Variants in ZRANB3 observed in about 807,000 individuals in gnomAD.
ZRANB3 encodes DNA annealing helicase and endonuclease ZRANB3.
Under a neutral mutation model 133.8 loss-of-function variants are expected in ZRANB3, and 125 were observed. That is an observed-to-expected ratio of 0.93 (90% CI 0.81 to 1.08). The LOEUF (loss-of-function observed/expected upper bound fraction) is 1.08. Among genes scored for constraint, ZRANB3 ranks in the 50% least tolerant of loss-of-function variants. ZRANB3 has a pLI of 0.00. For missense variants in ZRANB3, 1,229 were observed against 1,275.5 expected (o/e 0.96, Z 0.56); for synonymous variants, 387 against 432.7 (o/e 0.89, Z 1.31).
At chr2:135,353,329 ATAC>A (rs1685289286) in intron 4 of ZRANB3, 118 bp downstream of exon 4, 4 of 570,824 alleles carry the variant, frequency 7.0e-6, no homozygotes, top group Middle Eastern at 4.6e-4. Flanking sequence ...AAAATTCTCC[ATAC>A]TACTTACTCC....
rs778414733 is a variant in ZRANB3 at position 135,230,757 on chromosome 2, A to G, written c.1710T>C (p.Asp570=). ...AARDIIDYES[D]VEPETKRLKL... ...TCAATCTTTTCGTTTCAGGTTCAAC[A>G]TCACTTTCATAATCGATGATATCTC... The change falls in exon 13 of 21, where the codon GAT becomes GAC. Residue 570 remains aspartate (D), a synonymous_variant. Coordinates refer to ENST00000264159, the MANE Select transcript of ZRANB3 (RefSeq NM_032143.4). 1.2e-6 allele frequency: 2 copies of G among 1,613,816 alleles called. No homozygotes were observed. The highest frequency in any genetic ancestry group is 2.2e-5 in the South Asian group (2 of 91,022).
At chr2:135,431,035 G>C (rs1689296629) in intron 2 of ZRANB3, among the ~76,000 whole-genome samples, 1 of 151,980 alleles carries the variant, frequency 6.6e-6, no homozygotes, top group Admixed American at 6.5e-5. Context: ...AGCACTTTGG[G>C]AGGCTGAGGC....
chr2:135,479,564 G>T (rs1184244844), intron 2 of ZRANB3, among the ~76,000 whole-genome samples: 1 of 152,122 alleles, frequency 6.6e-6, no homozygotes, highest in South Asian at 2.1e-4. Context: ...TACTTGGAAG[G>T]CTGAGGCGAG....
chr2:135,372,436 T>C (rs1307201078), intron 3 of ZRANB3, among the ~76,000 whole-genome samples: 1 of 152,114 alleles, frequency 6.6e-6, no homozygotes, highest in African/African-American at 2.4e-5. Context: ...TGCTACTTTA[T>C]CTCCATGCTT....
chr2:135,452,181 C>A (rs899862551), intron 2 of ZRANB3, among the ~76,000 whole-genome samples: 5 of 152,080 alleles, frequency 3.3e-5, no homozygotes, highest in Non-Finnish European at 7.4e-5. Flanking sequence ...AAAGCAGAAA[C>A]CCCTGATGAA....
rs778540682 is a variant in ZRANB3, at chr2:135,207,645, G to GA, written c.2797dup (p.Ser933PhefsTer17). The GA allele has an allele frequency of 6.2e-7, 1 of 1,613,988 alleles. No individual in the cohort carries two copies. Among genetic ancestry groups the GA allele is most frequent in the Admixed American group, 1.7e-5 (1 of 60,022 alleles). On this transcript the variant is annotated frameshift_variant, in exon 19 of 21. Transcript: ENST00000264159. LOFTEE classifies it high-confidence loss of function. ...CTGACATTTCAGAGAGCAAAACCGT[G>GA]AATCCCAAGAGTTCGCTTTACATGC...
In ZRANB3 at chr2:135,219,081, G is replaced by A. The variant is rs772003075; in HGVS notation, c.2348C>T (p.Ser783Leu). 1.1e-5 allele frequency: 16 copies of A among 1,489,016 alleles called. No homozygotes were observed. The highest frequency in any genetic ancestry group is 1.4e-5 in the African/African-American group (1 of 69,704). 92.2% of individuals were successfully genotyped at this position (1,489,016 alleles called of 1,614,324 possible). The change falls in exon 16 of 21, where the codon TCA becomes TTA. Residue 783 changes from serine to leucine, a missense_variant. Physicochemically the swap from Ser to Leu is moderately radical, Grantham distance 145 (BLOSUM62 -2). Transcript: ENST00000264159. ...TTTATTTAAAACTATTCTTACCAGT[G>A]AGCGATATTGTTTCAGCTGAAAGCT... Reference protein sequence around the residue: ...PASFQLKQYRSLILRFVREWS... With the variant: ...PASFQLKQYRLLILRFVREWS...
chr2:135,402,113 A>C (rs7570498), intron 2 of ZRANB3, among the ~76,000 whole-genome samples: 1,571 of 151,976 alleles, frequency 0.01, 25 homozygotes, highest in African/African-American at 0.036. Flanking sequence ...ATTTAACATA[A>C]TACAAAAATT....
chr2:135,425,902 T>A (rs1689042244), intron 2 of ZRANB3, among the ~76,000 whole-genome samples: 1 of 150,382 alleles, frequency 6.6e-6, no homozygotes, highest in South Asian at 2.1e-4. Flanking sequence ...GATCAATGAA[T>A]CCAGGGATTG....
At chr2:135,524,447 A>G (rs1335607046) in intron 1 of ZRANB3, among the ~76,000 whole-genome samples, 1 of 152,180 alleles carries the variant, frequency 6.6e-6, no homozygotes, top group Non-Finnish European at 1.5e-5. Flanking sequence ...TCTCGATGAC[A>G]CCCAAGAAAA....
At chr2:135,216,836 C>G in intron 17 of ZRANB3, among the ~76,000 whole-genome samples, 1 of 152,050 alleles carries the variant, frequency 6.6e-6, no homozygotes. Context: ...TTACAAAGAA[C>G]AGGGATTTGA....
intron 8 of ZRANB3, among the ~76,000 whole-genome samples, chr2:135,297,831 A>C (rs1036799270): frequency 1.3e-5 from 2 of 152,088 alleles, no homozygotes; most frequent in Non-Finnish European, 2.9e-5. Flanking sequence ...ACAGTGTATT[A>C]TATATTTCTC....
At chr2:135,453,114 A>T (rs1690347455) in intron 2 of ZRANB3, among the ~76,000 whole-genome samples, 1 of 152,226 alleles carries the variant, frequency 6.6e-6, no homozygotes. Flanking sequence ...CAGGCTCAAT[A>T]ACAAATGGAC....
intron 12 of ZRANB3, among the ~76,000 whole-genome samples, chr2:135,253,930 T>G (rs1679524705): frequency 6.6e-6 from 1 of 152,256 alleles, no homozygotes; most frequent in African/African-American, 2.4e-5. Flanking sequence ...GACAGATATC[T>G]GATCATGTTA....
Position 135,232,852 on chromosome 2 carries a change from A to G in ZRANB3, c.1540-1925T>C, listed in dbSNP as rs142906657. On this transcript the variant is annotated intron_variant, in intron 12 of 20. Transcript: ENST00000264159. Reference sequence around the variant, plus strand: ...AATCACAAAGATGGGGAAAAAACAGAGCAGAAAAACTGGAAACTCTAAAAA... The same window carrying G: ...AATCACAAAGATGGGGAAAAAACAGGGCAGAAAAACTGGAAACTCTAAAAA... Among the ~76,000 whole-genome samples, 1,174 of 152,336 alleles carry G rather than the reference A, an allele frequency of 7.7e-3. 14 individuals carry two copies. Among genetic ancestry groups the G allele is most frequent in the African/African-American group, 0.025 (1,060 of 41,582 alleles).
At chr2:135,229,398 C>T (rs1207916146) in intron 13 of ZRANB3, among the ~76,000 whole-genome samples, 4 of 147,514 alleles carry the variant, frequency 2.7e-5, no homozygotes, top group Admixed American at 6.8e-5. Flanking sequence ...GACGGAGTCT[C>T]GCTCTGTTGC....
chr2:135,402,332 T>C (rs936912098), intron 2 of ZRANB3, among the ~76,000 whole-genome samples: 2 of 151,484 alleles, frequency 1.3e-5, no homozygotes, highest in Admixed American at 6.6e-5. Flanking sequence ...TCTCGCTCTG[T>C]TGCCCGGGCT....
intron 8 of ZRANB3, among the ~76,000 whole-genome samples, chr2:135,302,969 A>T (rs759545589): frequency 6.6e-6 from 1 of 152,192 alleles, no homozygotes; most frequent in Non-Finnish European, 1.5e-5. Context: ...AGAGTTATTA[A>T]CTCTAGGAAA....
chr2:135,493,288 T>C (rs992888189), intron 2 of ZRANB3, among the ~76,000 whole-genome samples: 1 of 149,602 alleles, frequency 6.7e-6, no homozygotes, highest in Non-Finnish European at 1.5e-5. Flanking sequence ...AAAGGAAAAC[T>C]TGATGAAGTT....
Sources: gnomAD v4.1 joint callset for allele counts (sites outside exome capture counted in the v4.1 genomes callset) on GRCh38, gnomAD v4.1.1 for gene constraint, MANE v1.5 for transcripts, NCBI Gene and HGNC (gene_info 2026-07-23, HGNC 2026-07-21) for gene names.